Variants in TSEN54 observed in about 807,000 individuals in gnomAD.
TSEN54 encodes tRNA splicing endonuclease subunit 54.
In TSEN54, 55 loss-of-function variants were observed where a neutral mutation model predicts 61.9. The observed-to-expected ratio is 0.89, with a 90% CI of 0.72 to 1.11. TSEN54 has a LOEUF of 1.11. TSEN54 is among the 50% of genes most tolerant of loss of function. The pLI is 0.00. For synonymous variants in TSEN54, 304 were observed against 288.7 expected, an observed-to-expected ratio of 1.05 and a Z score of -0.54; for missense variants, 760 against 687.7, an observed-to-expected ratio of 1.11 and a Z score of -1.18.
chr17:75,523,545 C>T, intron 9 of TSEN54, 118 bp from the exon 10 acceptor site: 1 of 1,610,808 alleles, frequency 6.2e-7, no homozygotes. Context: ...GAGCCCCCAA[C>T]CCTCAAGTGG....
intron 8 of TSEN54, chr17:75,522,916 C>T (rs1364295830): frequency 2.9e-6 from 1 of 345,734 alleles, no homozygotes; most frequent in South Asian, 2.6e-5. Flanking sequence ...CACGGTGGCT[C>T]ATACCCGTAA....
intron 6 of TSEN54, among the ~76,000 whole-genome samples, chr17:75,519,904 A>G (rs2053410005): frequency 1.3e-5 from 2 of 152,202 alleles, no homozygotes; most frequent in South Asian, 4.1e-4. Flanking sequence ...AGTGGAACCT[A>G]TCCTAAGGAA....
chr17:75,521,800 G>A lies in TSEN54; in HGVS notation c.719G>A (p.Cys240Tyr), dbSNP rs2053429674. Residue 240 changes from cysteine to tyrosine, a missense_variant, in exon 8 of 11, where the codon TGC (cysteine) becomes TAC (tyrosine). Cys to Tyr is a radical substitution (Grantham distance 194). Around this residue, in one of 3 missense-constraint regions of TSEN54, gnomAD observed 667 missense variants for 577.8 expected, o/e 1.15. Transcript: ENST00000333213. ...CCTCCCTGCAGCCAGCCCAGCCAAT[G>A]CCCAGAGGAGAAACCCCAGGAGTCA... ...SPPPCSQPSQ[C>Y]PEEKPQESSP... 11 of 1,613,104 alleles carry A rather than the reference G, an allele frequency of 6.8e-6. No individual in the cohort carries two copies. Among genetic ancestry groups the A allele is most frequent in the African/African-American group, 1.3e-5 (1 of 75,028 alleles).
chr17:75,519,517 C>G (rs1464655406), intron 6 of TSEN54, among the ~76,000 whole-genome samples: 2 of 152,234 alleles, frequency 1.3e-5, no homozygotes, highest in African/African-American at 4.8e-5. Context: ...GAAACGGGTA[C>G]AGCTTTTGCA....
At position 75,522,280 on chromosome 17, in the gene TSEN54, T is replaced by C; in HGVS notation, c.1199T>C (p.Leu400Pro). Reference sequence around the variant, plus strand: ...AGGAGCCAGCGCCGGGCCCCTCACCTGTGGGGCCAGCCCGTCACCCCGCTG... The same window carrying C: ...AGGAGCCAGCGCCGGGCCCCTCACCCGTGGGGCCAGCCCGTCACCCCGCTG... ...VQRSQRRAPH[L>P]WGQPVTPLLS... Residue 400 changes from leucine (L) to proline (P), a missense_variant, in exon 8 of 11, where the codon CTG becomes CCG. Coordinates refer to ENST00000333213, the MANE Select transcript of TSEN54 (RefSeq NM_207346.3). The C allele has an allele frequency of 6.5e-7, 1 of 1,546,452 alleles. No homozygotes were observed. Among genetic ancestry groups the C allele is most frequent in the South Asian group, 1.2e-5 (1 of 83,964 alleles).
At chr17:75,517,110 T>C (rs1470427310) in intron 3 of TSEN54, 38 bp downstream of exon 3, 4 of 1,193,622 alleles carry the variant, frequency 3.4e-6, no homozygotes, top group African/African-American at 7.3e-5. Context: ...CCGCCCTCCC[T>C]GCCCTCCCTG....
rs553358538 is a variant in TSEN54, at chr17:75,518,974, AT to A, written c.469-9del. 8,301 of 1,116,654 alleles carry A rather than the reference AT, an allele frequency of 7.4e-3. 1 individual carries two copies. Among genetic ancestry groups the A allele is most frequent in the Non-Finnish European group, 7.8e-3 (6,239 of 796,470 alleles). The allele number at this position is 1,116,654 out of a possible 1,614,324, so 69.2% of individuals were successfully genotyped here. ...TTCCAGAGTGGCCATCTGAGCTTTC[AT>A]TTTTTTTTTTTCTTTTGAGGTCTTC... On this transcript the variant is annotated intron_variant, in intron 5 of 10. Coordinates refer to ENST00000333213, the MANE Select transcript of TSEN54 (RefSeq NM_207346.3).
At chr17:75,517,770 A>T in intron 5 of TSEN54, 115 bp downstream of exon 5, 1 of 918,710 alleles carries the variant, frequency 1.1e-6, no homozygotes, top group Non-Finnish European at 1.8e-6. Context: ...AGGGCAGACG[A>T]GGGCTATGCT....
At chr17:75,523,520 T>C in intron 9 of TSEN54, 143 bp from the exon 10 acceptor site, 1 of 1,603,856 alleles carries the variant, frequency 6.2e-7, no homozygotes, top group Non-Finnish European at 8.5e-7. Flanking sequence ...ACCAGTGGGT[T>C]AGCCCAAGGG....
At chr17:75,519,652 T>G (rs2053407763) in intron 6 of TSEN54, among the ~76,000 whole-genome samples, 1 of 152,216 alleles carries the variant, frequency 6.6e-6, no homozygotes, top group Admixed American at 6.5e-5. Context: ...AGCCTCTGCC[T>G]CCTGGGTTCA....
chr17:75,517,268 G>C, intron 4 of TSEN54, 24 bp downstream of exon 4: 1 of 1,574,548 alleles, frequency 6.4e-7, no homozygotes, highest in Non-Finnish European at 8.6e-7. Context: ...GGGAGGTGGG[G>C]AAGGAGTTGG....
intron 8 of TSEN54, chr17:75,522,772 T>C: frequency 3.5e-6 from 1 of 282,272 alleles, no homozygotes; most frequent in Non-Finnish European, 6.8e-6. Context: ...GGGAACACGG[T>C]AGATTGTAGG....
chr17:75,517,545 C>G lies in TSEN54; in HGVS notation c.370-12C>G. On this transcript the variant is annotated splice_polypyrimidine_tract_variant and intron_variant, in intron 4 of 10. Transcript: ENST00000333213. ...GAGGGCTCATAAGCTGAGCTGTTGG[C>G]CCCACTTCCAGGGCTCCATCCACCT... is the stretch of plus-strand genomic sequence containing the variant. 6.2e-7 allele frequency: 1 copy of G among 1,611,450 alleles called. No homozygotes were observed.
Position 75,522,256 on chromosome 17 carries a change from G to T in TSEN54, c.1175G>T (p.Arg392Met). 6.5e-7 allele frequency: 1 copy of T among 1,547,450 alleles called. No homozygotes were observed. The highest frequency in any genetic ancestry group is 8.7e-7 in the Non-Finnish European group (1 of 1,146,312). ...KELLQRRQVQ[R>M]SQRRAPHLWG... Reference sequence around the variant, plus strand: ...CTGCTGCAGCGGCGGCAGGTGCAGAGGAGCCAGCGCCGGGCCCCTCACCTG... The same window carrying T: ...CTGCTGCAGCGGCGGCAGGTGCAGATGAGCCAGCGCCGGGCCCCTCACCTG... Residue 392 changes from arginine (R) to methionine (M), a missense_variant, in exon 8 of 11, where the codon AGG becomes ATG. Physicochemically the swap from Arg to Met is moderately conservative, Grantham distance 91. This residue lies in a region of TSEN54 where 667 missense variants were observed against 577.8 expected (regional missense o/e 1.15). Coordinates refer to ENST00000333213, the MANE Select transcript of TSEN54 (RefSeq NM_207346.3).
intron 8 of TSEN54, 152 bp downstream of exon 8, chr17:75,522,485 G>C (rs776965788): frequency 6.7e-7 from 1 of 1,493,744 alleles, no homozygotes; most frequent in African/African-American, 1.4e-5. Context: ...GTTCTCCGGC[G>C]GCTGCAGCAG....
Position 75,522,109 on chromosome 17 carries a change from A to G in TSEN54, c.1028A>G (p.Gln343Arg), listed in dbSNP as rs994403512. Reference sequence around the variant, plus strand: ...GAGTCCTGGTGCCAGAAGCTGAACCAGCGCAAGGAGAAGCTCTCCAGGCGG... The same window carrying G: ...GAGTCCTGGTGCCAGAAGCTGAACCGGCGCAAGGAGAAGCTCTCCAGGCGG... ...DAESWCQKLN[Q>R]RKEKLSRRER... is the part of the protein sequence containing the mutation. The change falls in exon 8 of 11, where the codon CAG (glutamine) becomes CGG (arginine). Residue 343 changes from glutamine (Q) to arginine (R), a missense_variant. Transcript: ENST00000333213. The G allele has an allele frequency of 1.3e-6, 2 of 1,580,522 alleles. No individual in the cohort carries two copies. The highest frequency in any genetic ancestry group is 1.8e-5 in the Admixed American group (1 of 56,034).
intron 6 of TSEN54, 27 bp downstream of exon 6, chr17:75,519,074 A>G (rs2053402320): frequency 1.2e-6 from 2 of 1,613,198 alleles, no homozygotes; most frequent in Non-Finnish European, 1.7e-6. Context: ...TTCCCCTTCC[A>G]TATATTCTAG....
intron 1 of TSEN54, 31 bp downstream of exon 1, chr17:75,516,647 G>C (rs1347998288): frequency 3.2e-6 from 4 of 1,234,246 alleles, no homozygotes; most frequent in Non-Finnish European, 2.0e-6. Context: ...AGTGGGTGTC[G>C]GGGGCGCGGG....
rs1206249850 is a variant in TSEN54, at chr17:75,522,061, TGGCTG to T, written c.984_988del (p.Arg330AspfsTer4). ...GCCCCAGAGCTGCTCCCGGCCAACG[TGGCTG>T]GGCGGGAGACAGACGCTGAGTCCTG... is the stretch of plus-strand genomic sequence containing the variant. On this transcript the variant is annotated frameshift_variant, in exon 8 of 11. Coordinates refer to ENST00000333213, the MANE Select transcript of TSEN54 (RefSeq NM_207346.3). LOFTEE classifies it high-confidence loss of function. The T allele has an allele frequency of 1.3e-5, 21 of 1,588,576 alleles. No homozygotes were observed. The highest frequency in any genetic ancestry group is 1.6e-5 in the Non-Finnish European group (19 of 1,168,124).
Sources: allele counts gnomAD v4.1 joint callset (sites outside exome capture counted in the v4.1 genomes callset), GRCh38; gene constraint gnomAD v4.1.1; regional missense constraint gnomAD v4.1.1; transcripts MANE v1.5; gene names NCBI Gene and HGNC (gene_info 2026-07-23, HGNC 2026-07-21).